Variants in EYA2 observed in about 807,000 individuals in gnomAD.
EYA2 encodes the protein EYA transcriptional coactivator and phosphatase 2.
A neutral mutation model predicts 69.2 loss-of-function variants in EYA2; 31 were observed. That is an observed-to-expected ratio of 0.45 (90% CI 0.34 to 0.60). The LOEUF (loss-of-function observed/expected upper bound fraction) is 0.60. EYA2 is among the 20% of genes least tolerant of loss of function. The probability of loss-of-function intolerance (pLI) is 0.02; values close to 1 mark genes in which losing one functional copy is unlikely to be tolerated. For missense variants in EYA2, 622 were observed against 701.2 expected, an observed-to-expected ratio of 0.89 and a Z score of 1.28; for synonymous variants, 257 against 279.4, an observed-to-expected ratio of 0.92 and a Z score of 0.80.
At chr20:47,046,546 C>T (rs1420309797) in intron 5 of EYA2, among the ~76,000 whole-genome samples, 3 of 152,202 alleles carry the variant, frequency 2.0e-5, no homozygotes, top group Admixed American at 2.0e-4. Flanking sequence ...AACAACAGCC[C>T]TCCCTTGGTA....
rs561561255 is a variant in EYA2 at position 46,966,714 on chromosome 20, G to A, written c.-10-23287G>A. ...AGTCCCAGCTACTTAGGAGGCTGAG[G>A]CAGGAGAATGGTGTCAACCTGGGAG... On this transcript the variant is annotated intron_variant, in intron 1 of 15. Transcript: ENST00000327619. Among the ~76,000 whole-genome samples, 243 of 152,146 alleles carry A rather than the reference G, an allele frequency of 1.6e-3. 1 individual carries two copies. The highest frequency in any genetic ancestry group is 4.9e-3 in the African/African-American group (202 of 41,510).
intron 1 of EYA2, among the ~76,000 whole-genome samples, chr20:46,960,526 G>T (rs1430020512): frequency 6.6e-6 from 1 of 152,146 alleles, no homozygotes; most frequent in Non-Finnish European, 1.5e-5. Flanking sequence ...GCACAGCAAG[G>T]TTCTATGACT....
intron 1 of EYA2, among the ~76,000 whole-genome samples, chr20:46,970,757 A>G (rs1238853429): frequency 2.6e-5 from 4 of 152,164 alleles, no homozygotes; most frequent in African/African-American, 9.7e-5. Flanking sequence ...TTTTAAATGG[A>G]AATAAAAACA....
intron 1 of EYA2, among the ~76,000 whole-genome samples, chr20:46,957,602 G>GAGATTTGA (rs1979215851): frequency 6.6e-6 from 1 of 151,370 alleles, no homozygotes; most frequent in African/African-American, 2.4e-5. Context: ...AGACAGGACA[G>GAGATTTGA]AGATTTGAAG....
At position 47,010,789 on chromosome 20, in the gene EYA2, A is replaced by ATT. The variant is rs10608509; in HGVS notation, c.299-5377_299-5376dup. 3.6e-3 allele frequency among the ~76,000 whole-genome samples: 506 copies of ATT among 138,656 alleles called. 5 individuals are homozygous for ATT. Among genetic ancestry groups the ATT allele is most frequent in the African/African-American group, 0.012 (465 of 37,252 alleles). The allele number at this position is 138,656 out of a possible 152,430, so 91.0% of individuals were successfully genotyped here. The stretch of plus-strand genomic sequence containing the variant: ...AGCAAATAGTTTTAAAATTGAGTTG[A>ATT]TTTTTTTTTTTTTTTTGAGATGTAG... On this transcript the variant is annotated intron_variant, in intron 4 of 15. Coordinates refer to ENST00000327619, the MANE Select transcript of EYA2 (RefSeq NM_005244.5).
chr20:46,935,270 C>T (rs1600558656), intron 1 of EYA2, among the ~76,000 whole-genome samples: 1 of 152,236 alleles, frequency 6.6e-6, no homozygotes, highest in South Asian at 2.1e-4. Context: ...TTTGCACAGG[C>T]TGTCACCAAC....
intron 1 of EYA2, among the ~76,000 whole-genome samples, chr20:46,938,490 A>G (rs948445548): frequency 1.3e-5 from 2 of 152,204 alleles, no homozygotes; most frequent in Admixed American, 1.3e-4. Flanking sequence ...TGAGGCTATA[A>G]TCAAAGTGTG....
chr20:47,076,991 G>T (rs2031539835), intron 7 of EYA2, among the ~76,000 whole-genome samples: 1 of 152,172 alleles, frequency 6.6e-6, no homozygotes, highest in South Asian at 2.1e-4. Context: ...GTGGTCAGTG[G>T]AATGGAATGC....
At chr20:46,947,913 TC>T (rs1257858986) in intron 1 of EYA2, among the ~76,000 whole-genome samples, 1 of 152,034 alleles carries the variant, frequency 6.6e-6, no homozygotes, top group Non-Finnish European at 1.5e-5. Context: ...AGCTAGGAGT[TC>T]CAGACCAGCT....
At chr20:47,151,327 C>T (rs1163339888) in intron 10 of EYA2, among the ~76,000 whole-genome samples, 1 of 151,634 alleles carries the variant, frequency 6.6e-6, no homozygotes, top group African/African-American at 2.4e-5. Flanking sequence ...GGCAAGATCA[C>T]ACCTCTGCAC....
At chr20:46,969,652 A>G (rs543175794) in intron 1 of EYA2, among the ~76,000 whole-genome samples, 1 of 152,298 alleles carries the variant, frequency 6.6e-6, no homozygotes, top group Non-Finnish European at 1.5e-5. Context: ...CAGCACTGGA[A>G]GCTAAAGCTG....
At chr20:46,929,934 C>G (rs6066122) in intron 1 of EYA2, among the ~76,000 whole-genome samples, 113,127 of 152,142 alleles carry the variant, frequency 0.74, 42,725 homozygotes, top group East Asian at 0.97. Context: ...AAAATGACCC[C>G]TCTGTAAAAG....
At chr20:47,067,971 C>T (rs2031176665) in intron 5 of EYA2, among the ~76,000 whole-genome samples, 1 of 152,214 alleles carries the variant, frequency 6.6e-6, no homozygotes, top group Admixed American at 6.5e-5. Context: ...CTCCATGGTT[C>T]CTGATGAGAA....
chr20:46,925,515 A>G (rs1985376977), intron 1 of EYA2, among the ~76,000 whole-genome samples: 1 of 152,210 alleles, frequency 6.6e-6, no homozygotes, highest in Non-Finnish European at 1.5e-5. Context: ...TCCATTAGAG[A>G]AATGGATGGA....
chr20:46,966,806 C>T (rs1979812119), intron 1 of EYA2, among the ~76,000 whole-genome samples: 2 of 114,520 alleles, frequency 1.7e-5, no homozygotes, highest in Non-Finnish European at 2.2e-5. Context: ...CAGAGCGAGA[C>T]TCCATCTCAA....
chr20:46,934,596 G>A (rs1985826865), intron 1 of EYA2, among the ~76,000 whole-genome samples: 1 of 152,336 alleles, frequency 6.6e-6, no homozygotes, highest in South Asian at 2.1e-4. Flanking sequence ...CCAAGGGAAA[G>A]TGAGGATGCT....
intron 13 of EYA2, 71 bp downstream of exon 13, chr20:47,179,983 G>A: frequency 9.4e-7 from 1 of 1,059,478 alleles, no homozygotes; most frequent in Non-Finnish European, 1.5e-6. Flanking sequence ...GCTCCTGCAT[G>A]TCCACACTTG....
rs888441982 is a variant in EYA2, at chr20:47,046,420, G to C, written c.416-25765G>C. On this transcript the variant is annotated intron_variant, in intron 5 of 15. Transcript: ENST00000327619. ...CCAGCCTCTACCACTCATGGCTAGTGGGGGAACCAGCATGTAGATACACCG... is the reference window on the plus strand; with the variant it reads ...CCAGCCTCTACCACTCATGGCTAGTCGGGGAACCAGCATGTAGATACACCG... Among the ~76,000 whole-genome samples the C allele has an allele frequency of 1.3e-5, 2 of 152,198 alleles. 1 individual carries two copies. Among genetic ancestry groups the C allele is most frequent in the South Asian group, 4.1e-4 (2 of 4,826 alleles).
intron 9 of EYA2, among the ~76,000 whole-genome samples, chr20:47,118,840 C>T (rs1316512912): frequency 1.3e-5 from 2 of 152,276 alleles, no homozygotes; most frequent in Non-Finnish European, 2.9e-5. Context: ...CAGACTGCTT[C>T]CCCAGACTTC....
Sources: allele counts gnomAD v4.1 joint callset (sites outside exome capture counted in the v4.1 genomes callset), GRCh38; gene constraint gnomAD v4.1.1; transcripts MANE v1.5; gene names NCBI Gene and HGNC (gene_info 2026-07-23, HGNC 2026-07-21).